CLVS1: variants seen among roughly 807,000 people sequenced by gnomAD.
CLVS1 encodes clavesin 1, also known as clavesin-1.
In CLVS1, 10 loss-of-function variants were observed where a neutral mutation model predicts 33.1. The observed-to-expected ratio is 0.30, with a 90% CI of 0.19 to 0.51. The LOEUF is 0.51. CLVS1 is among the 20% of genes least tolerant of loss of function. CLVS1 has a pLI of 0.97. For missense variants in CLVS1, 343 were observed against 433.4 expected, an observed-to-expected ratio of 0.79 and a Z score of 1.85; for synonymous variants, 163 against 166.1, an observed-to-expected ratio of 0.98 and a Z score of 0.14.
chr8:61,175,470 G>A (rs1807096142), intron 2 of CLVS1, among the ~76,000 whole-genome samples: 1 of 152,074 alleles, frequency 6.6e-6, no homozygotes, highest in South Asian at 2.1e-4. Flanking sequence ...TCCAGTTAAT[G>A]GTATTTTGTT....
At chr8:61,420,179 T>A (rs1371549755) in intron 3 of CLVS1, among the ~76,000 whole-genome samples, 1 of 152,184 alleles carries the variant, frequency 6.6e-6, no homozygotes, top group Non-Finnish European at 1.5e-5. Flanking sequence ...TCTCTGTGAC[T>A]CAATTTTCTC....
intron 3 of CLVS1, among the ~76,000 whole-genome samples, chr8:61,453,407 T>A (rs1003146831): frequency 2.0e-5 from 3 of 152,166 alleles, no homozygotes; most frequent in African/African-American, 7.2e-5. Flanking sequence ...TGGAATCGTT[T>A]TTCTTAAATG....
At chr8:61,448,281 G>C (rs900689535) in intron 3 of CLVS1, among the ~76,000 whole-genome samples, 11 of 151,800 alleles carry the variant, frequency 7.2e-5, no homozygotes, top group Non-Finnish European at 1.5e-4. Flanking sequence ...GTAGGTTTAT[G>C]TTTCTTTCTA....
At chr8:61,017,206 C>A in the CLVS1 span, among the ~76,000 whole-genome samples, 1 of 152,174 alleles carries the variant, frequency 6.6e-6, no homozygotes, top group Non-Finnish European at 1.5e-5. Context: ...CTCAGAAAAG[C>A]CCCAAATAGA....
chr8:61,192,234 C>A (rs1419932545), intron 2 of CLVS1, among the ~76,000 whole-genome samples: 1 of 152,186 alleles, frequency 6.6e-6, no homozygotes, highest in East Asian at 1.9e-4. Flanking sequence ...ACATCTACAA[C>A]TATCTGATCT....
intron 1 of CLVS1, among the ~76,000 whole-genome samples, chr8:61,121,363 A>G (rs7843560): frequency 0.068 from 10,415 of 152,186 alleles, 434 homozygotes; most frequent in African/African-American, 0.11. Context: ...GCTGTAGACC[A>G]GAGCTGTTCC....
At chr8:60,977,116 CA>C in the CLVS1 span, among the ~76,000 whole-genome samples, 1 of 152,174 alleles carries the variant, frequency 6.6e-6, no homozygotes, top group African/African-American at 2.4e-5. Flanking sequence ...CCACAAAAAA[CA>C]AGTAATATAC....
chr8:61,232,023 G>GTTTGTTTGTTTGTTTGTTTTT lies in CLVS1; in HGVS notation c.-151-67651_-151-67650insGTTTGTTTGTTTGTTTTTTTT. Among the ~76,000 whole-genome samples the GTTTGTTTGTTTGTTTGTTTTT allele has an allele frequency of 6.5e-4, 41 of 62,646 alleles. 3 individuals are homozygous for GTTTGTTTGTTTGTTTGTTTTT. The highest frequency in any genetic ancestry group is 8.1e-3 in the Middle Eastern group (1 of 124). The allele number at this position is 62,646 out of a possible 152,430, so 41.1% of individuals were successfully genotyped here. A position where few individuals can be genotyped will look rare whatever the true frequency, so the allele number is the denominator to read the frequency against. ...AGAAGGAGCCCTGAGGAAAGTTGTG[G>GTTTGTTTGTTTGTTTGTTTTT]TTTTTTTTTTTTTTTTTTTTTTTTT... On this transcript the variant is annotated intron_variant, in intron 2 of 2. Transcript: ENST00000522621.
intron 2 of CLVS1, among the ~76,000 whole-genome samples, chr8:61,210,488 G>A (rs972958024): frequency 6.6e-6 from 1 of 152,228 alleles, no homozygotes; most frequent in Non-Finnish European, 1.5e-5. Flanking sequence ...TAAATTAGCT[G>A]CCATGTCATG....
chr8:60,985,243 G>T, the CLVS1 span, among the ~76,000 whole-genome samples: 1 of 152,192 alleles, frequency 6.6e-6, no homozygotes, highest in Non-Finnish European at 1.5e-5. Context: ...CCAACATGGG[G>T]CTTTCAATCC....
intron 5 of CLVS1, among the ~76,000 whole-genome samples, chr8:61,494,632 C>G (rs1804205366): frequency 9.1e-6 from 1 of 109,380 alleles, no homozygotes; most frequent in Non-Finnish European, 2.0e-5. Flanking sequence ...TTCCTAAGCA[C>G]TCTGTTCAGA....
At chr8:61,168,213 T>G (rs545778512) in intron 2 of CLVS1, among the ~76,000 whole-genome samples, 1 of 152,340 alleles carries the variant, frequency 6.6e-6, no homozygotes, top group South Asian at 2.1e-4. Context: ...CCACTAGCCC[T>G]CTTTTTGGGG....
the CLVS1 span, among the ~76,000 whole-genome samples, chr8:60,989,131 T>C: frequency 6.7e-3 from 1,016 of 152,286 alleles, 6 homozygotes; most frequent in Non-Finnish European, 0.011. Context: ...CCTCCCAAAG[T>C]GTTGGGATTA....
At chr8:61,011,470 G>A in the CLVS1 span, among the ~76,000 whole-genome samples, 1 of 151,742 alleles carries the variant, frequency 6.6e-6, no homozygotes, top group East Asian at 1.9e-4. Context: ...ATTTTTTGAG[G>A]TGGAGTCTCA....
chr8:61,325,751 G>A (rs763183198), intron 2 of CLVS1, among the ~76,000 whole-genome samples: 27 of 152,066 alleles, frequency 1.8e-4, no homozygotes, highest in South Asian at 8.3e-4. Flanking sequence ...CTCATACATC[G>A]ATAATTGTTT....
intron 1 of CLVS1, among the ~76,000 whole-genome samples, chr8:61,078,851 T>G (rs116808644): frequency 6.6e-6 from 1 of 152,178 alleles, no homozygotes. Flanking sequence ...AATTCATTTT[T>G]AAATTAAATT....
At chr8:61,032,051 A>G in the CLVS1 span, among the ~76,000 whole-genome samples, 1 of 152,192 alleles carries the variant, frequency 6.6e-6, no homozygotes, top group Non-Finnish European at 1.5e-5. Flanking sequence ...GTTCAGAGAT[A>G]TTGAGTGTTA....
intron 1 of CLVS1, among the ~76,000 whole-genome samples, chr8:61,064,660 C>T (rs1804643395): frequency 6.6e-6 from 1 of 151,958 alleles, no homozygotes; most frequent in African/African-American, 2.4e-5. Flanking sequence ...TCTGCCTCAG[C>T]CTCCTGAGTA....
chr8:61,167,173 C>A (rs1322846361), intron 2 of CLVS1, among the ~76,000 whole-genome samples: 1 of 149,964 alleles, frequency 6.7e-6, no homozygotes, highest in Non-Finnish European at 1.5e-5. Flanking sequence ...TACCTTCAAT[C>A]TTCCATCCAG....
Sources: gnomAD v4.1 joint callset for allele counts (sites outside exome capture counted in the v4.1 genomes callset) on GRCh38, gnomAD v4.1.1 for gene constraint, MANE v1.5 for transcripts, NCBI Gene and HGNC (gene_info 2026-07-23, HGNC 2026-07-21) for gene names.